GPR137: variants seen among roughly 807,000 people sequenced by gnomAD.
The protein encoded by GPR137 is G protein-coupled receptor 137, also known as integral membrane protein GPR137.
Under a neutral mutation model 38.9 loss-of-function variants are expected in GPR137, and 20 were observed. The ratio of observed to expected loss-of-function variants is 0.51; its 90% CI spans 0.36 to 0.75. GPR137 has a LOEUF of 0.75. GPR137 is among the 30% of genes least tolerant of loss of function. GPR137 has a pLI of 0.00. For synonymous variants in GPR137, 226 were observed against 235.8 expected (o/e 0.96, Z 0.38); for missense variants, 456 against 526.4 (o/e 0.87, Z 1.31).
chr11:64,274,925 C>G (rs576196498), upstream of GPR137, among the ~76,000 whole-genome samples: 1 of 133,456 alleles, frequency 7.5e-6, no homozygotes, highest in Non-Finnish European at 1.5e-5. Context: ...GCGGAGGTTG[C>G]AGTGAGCTGA....
chr11:64,275,128 AG>A (rs1350203363), upstream of GPR137, among the ~76,000 whole-genome samples: 2 of 151,576 alleles, frequency 1.3e-5, no homozygotes, highest in African/African-American at 4.9e-5. Flanking sequence ...CCCCCAGGTC[AG>A]GTGGGGATAC....
chr11:64,286,408 T>C lies in GPR137; in HGVS notation c.-117T>C. ...CTGTCAGCCACAACTTCTTTCCTCCTGAGCGCCCCATCTCCCTCTCTGCAC... is the reference window on the plus strand; with the variant it reads ...CTGTCAGCCACAACTTCTTTCCTCCCGAGCGCCCCATCTCCCTCTCTGCAC... On this transcript the variant is annotated 5_prime_UTR_variant, in exon 1 of 7. Transcript: ENST00000438980. 6.9e-7 allele frequency: 1 copy of C among 1,459,744 alleles called. No individual in the cohort carries two copies. The highest frequency in any genetic ancestry group is 1.4e-5 in the African/African-American group (1 of 70,400). 90.4% of individuals were successfully genotyped at this position (1,459,744 alleles called of 1,614,324 possible).
chr11:64,285,249 G>T (rs1248288156), upstream of GPR137: 1 of 987,158 alleles, frequency 1.0e-6, no homozygotes, highest in Non-Finnish European at 1.2e-6. Flanking sequence ...CATCTCGGGG[G>T]CACTGGAGAT....
Position 64,286,472 on chromosome 11 carries a change from C to T in GPR137, c.-53C>T, listed in dbSNP as rs768136667. ...CCCCTCCGTATTTATTTCCCTGGTC[C>T]CGCCGACAGTCCCTCCTTGTCTGTC... On this transcript the variant is annotated 5_prime_UTR_variant, in exon 1 of 7. Transcript: ENST00000438980. The T allele has an allele frequency of 1.3e-6, 2 of 1,561,096 alleles. No individual in the cohort carries two copies. Among genetic ancestry groups the T allele is most frequent in the Non-Finnish European group, 1.7e-6 (2 of 1,151,440 alleles).
intron 2 of GPR137, among the ~76,000 whole-genome samples, chr11:64,278,611 A>G (rs1192389736): frequency 6.6e-6 from 1 of 152,082 alleles, no homozygotes; most frequent in Non-Finnish European, 1.5e-5. Flanking sequence ...CTCAAGCTCA[A>G]CCTGCTAGGA....
upstream of GPR137, among the ~76,000 whole-genome samples, chr11:64,283,149 G>T (rs549857237): frequency 6.6e-6 from 1 of 152,292 alleles, no homozygotes; most frequent in African/African-American, 2.4e-5. Context: ...AGAGCGAGGG[G>T]AAAGAGGCCT....
upstream of GPR137, chr11:64,284,743 A>G: frequency 1.3e-6 from 2 of 1,533,780 alleles, no homozygotes; most frequent in Non-Finnish European, 1.7e-6. Context: ...TGGCCCAATC[A>G]CCTCTCGGAA....
chr11:64,286,003 G>A lies in GPR137; in HGVS notation c.-522G>A. 1.0e-6 allele frequency: 1 copy of A among 985,014 alleles called. No individual in the cohort carries two copies. Among genetic ancestry groups the A allele is most frequent in the Non-Finnish European group, 1.2e-6 (1 of 829,472 alleles). The allele number at this position is 985,014 out of a possible 1,614,324, so 61.0% of individuals were successfully genotyped here. ...AGGGTGGGGCGGGGGCAGCTTTCGA[G>A]AATTACGAGGACAGGAGGCAGAGGC... is the stretch of plus-strand genomic sequence containing the variant. On this transcript the variant is annotated 5_prime_UTR_variant, in exon 1 of 7. Coordinates refer to ENST00000438980, the MANE Select transcript of GPR137 (RefSeq NM_001170880.2).
In GPR137 at chr11:64,288,730, C is replaced by G; in HGVS notation, c.1031+9C>G. ...CGGGGTGAGAGCACCAGGTAGGAGC[C>G]GTGGCACTGCCTCAGTACCCCTGCC... On this transcript the variant is annotated intron_variant, in intron 6 of 6. Coordinates refer to ENST00000438980, the MANE Select transcript of GPR137 (RefSeq NM_001170880.2). This position sits in a 1 kb window ranked among gnomAD's most constrained non-coding sequence, Gnocchi z 5.5. The G allele has an allele frequency of 5.2e-6, 8 of 1,537,786 alleles. No homozygotes were observed. The highest frequency in any genetic ancestry group is 6.1e-6 in the Non-Finnish European group (7 of 1,139,930).
At chr11:64,271,790 C>A, upstream of GPR137, 1 of 1,409,862 alleles carries the variant, frequency 7.1e-7, no homozygotes. Flanking sequence ...TCCGGATCTC[C>A]ACAGCCCCAG....
In GPR137 at chr11:64,288,565, G is replaced by A; in HGVS notation, c.913-38G>A. 1 of 1,613,364 alleles carries A rather than the reference G, an allele frequency of 6.2e-7. No homozygotes were observed. The highest frequency in any genetic ancestry group is 8.5e-7 in the Non-Finnish European group (1 of 1,179,660). On this transcript the variant is annotated intron_variant, in intron 5 of 6. Transcript: ENST00000438980. The surrounding 1 kb of genome is among the most constrained non-coding windows in gnomAD (Gnocchi z 5.5). ...GGGTTGGGCCTGGGAGGCCAGTGCA[G>A]GACAGGAGTAAGTATCGATGATGGC...
Position 64,288,342 on chromosome 11 carries a change from GGACCTGGTGAAT to G in GPR137, c.794_805del (p.Val265_Leu268del). ...CACCAGCCCCTGCCTTCCCACAGGC[GGACCTGGTGAAT>G]GACCTGGGGAACAAAGGCTACCTGG... On this transcript the variant is annotated inframe_deletion, in exon 5 of 7. Coordinates refer to ENST00000438980, the MANE Select transcript of GPR137 (RefSeq NM_001170880.2). The surrounding 1 kb of genome is among the most constrained non-coding windows in gnomAD (Gnocchi z 5.5). 1 of 1,613,774 alleles carries G rather than the reference GGACCTGGTGAAT, an allele frequency of 6.2e-7. No homozygotes were observed. Among genetic ancestry groups the G allele is most frequent in the Non-Finnish European group, 8.5e-7 (1 of 1,179,994 alleles).
chr11:64,276,897 A>G, intron 2 of GPR137: 1 of 757,968 alleles, frequency 1.3e-6, no homozygotes, highest in Non-Finnish European at 2.5e-6. Flanking sequence ...AGGCCCCAGC[A>G]TGGCACCTCT....
chr11:64,284,510 C>G, upstream of GPR137: 1 of 1,558,914 alleles, frequency 6.4e-7, no homozygotes, highest in Non-Finnish European at 8.6e-7. Flanking sequence ...GGGCCCTCAT[C>G]TGTCTGCCGG....
chr11:64,271,641 A>G (rs765104579), upstream of GPR137: 2 of 1,503,212 alleles, frequency 1.3e-6, no homozygotes, highest in South Asian at 1.3e-5. Flanking sequence ...CTCGTCACTC[A>G]TCCTCCGGAG....
upstream of GPR137, among the ~76,000 whole-genome samples, chr11:64,272,227 A>C (rs201278336): frequency 1.7e-3 from 257 of 152,182 alleles, 2 homozygotes; most frequent in South Asian, 0.024. Flanking sequence ...GCTGAGGCAG[A>C]AGAATCGTTT....
intron 2 of GPR137, chr11:64,277,167 A>G (rs1053973320): frequency 5.7e-5 from 34 of 595,766 alleles, no homozygotes; most frequent in Non-Finnish European, 9.0e-5. Context: ...GCCATCAGGC[A>G]AGGGCTGGGT....
At chr11:64,284,872 C>A, upstream of GPR137, 1 of 1,482,116 alleles carries the variant, frequency 6.7e-7, no homozygotes, top group East Asian at 2.5e-5. Flanking sequence ...GGCTCACATC[C>A]TCGCTGCCTC....
In GPR137 at chr11:64,289,383, TG is replaced by T; in HGVS notation, c.*189del. 1 of 1,556,110 alleles carries T rather than the reference TG, an allele frequency of 6.4e-7. No homozygotes were observed. On this transcript the variant is annotated 3_prime_UTR_variant, in exon 7 of 7. Coordinates refer to ENST00000438980, the MANE Select transcript of GPR137 (RefSeq NM_001170880.2). ...CCCCCTAGGATGGGGGGCATGGCCC[TG>T]GCTGCCAGATGCCCACAGCACCCTG...
Sources: allele counts gnomAD v4.1 joint callset (sites outside exome capture counted in the v4.1 genomes callset), GRCh38; gene constraint gnomAD v4.1.1; non-coding constraint Gnocchi (gnomAD v3.1); transcripts MANE v1.5; gene names NCBI Gene and HGNC (gene_info 2026-07-23, HGNC 2026-07-21).